BCL11A: variants seen among roughly 807,000 people sequenced by gnomAD.
BCL11A encodes the protein B cell CLL/lymphoma 11A.
BCL11A carries 2 observed loss-of-function variants against 55.9 expected under a neutral mutation model. That is an observed-to-expected ratio of 0.04 (90% CI 0.01 to 0.11). BCL11A has a LOEUF of 0.11. Among genes scored for constraint, BCL11A ranks in the 10% least tolerant of loss-of-function variants. The probability of loss-of-function intolerance (pLI) is 1.00; values close to 1 mark genes in which losing one functional copy is unlikely to be tolerated. For missense variants in BCL11A, 817 were observed against 1,137.1 expected (o/e 0.72, Z 4.05); for synonymous variants, 465 against 473.4 (o/e 0.98, Z 0.23).
downstream of BCL11A, among the ~76,000 whole-genome samples, chr2:60,453,876 T>A (rs1675824395): frequency 6.6e-6 from 1 of 152,114 alleles, no homozygotes; most frequent in Admixed American, 6.5e-5. Flanking sequence ...TTTGCCACTT[T>A]ACAGAAAGGA....
At chr2:60,485,984 C>T (rs962940534) in intron 2 of BCL11A, among the ~76,000 whole-genome samples, 1 of 152,166 alleles carries the variant, frequency 6.6e-6, no homozygotes, top group Non-Finnish European at 1.5e-5. Context: ...CAACCTTCTG[C>T]TCTGGTTCTC....
At chr2:60,514,419 G>A (rs1380250642) in intron 2 of BCL11A, among the ~76,000 whole-genome samples, 1 of 151,756 alleles carries the variant, frequency 6.6e-6, no homozygotes, top group East Asian at 1.9e-4. Context: ...CATTTTGGGA[G>A]GCCGAGGCGT....
intron 2 of BCL11A, among the ~76,000 whole-genome samples, chr2:60,473,825 T>C (rs1211273782): frequency 6.6e-6 from 1 of 152,252 alleles, no homozygotes; most frequent in East Asian, 1.9e-4. Flanking sequence ...ATTAACCTTC[T>C]GATATTGTCA....
intron 2 of BCL11A, chr2:60,528,442 T>C (rs1488046757): frequency 6.6e-6 from 1 of 152,294 alleles, no homozygotes; most frequent in African/African-American, 2.4e-5. Flanking sequence ...AAAGCAGGAT[T>C]CCTTACATTG....
chr2:60,471,756 T>G (rs1000192633), intron 2 of BCL11A, among the ~76,000 whole-genome samples: 1 of 152,178 alleles, frequency 6.6e-6, no homozygotes, highest in Non-Finnish European at 1.5e-5. Context: ...TCTTTGTTAG[T>G]GCTCTTAGGC....
At chr2:60,505,046 T>C (rs1010619121) in intron 2 of BCL11A, among the ~76,000 whole-genome samples, 1 of 152,152 alleles carries the variant, frequency 6.6e-6, no homozygotes, top group Admixed American at 6.5e-5. Context: ...AGACCTGCCA[T>C]TTAACCTCTC....
intron 2 of BCL11A, among the ~76,000 whole-genome samples, chr2:60,532,268 G>A (rs1035864914): frequency 6.7e-6 from 1 of 150,152 alleles, no homozygotes; most frequent in African/African-American, 2.4e-5. Flanking sequence ...CTCACTGGTG[G>A]TCTATTAATA....
chr2:60,526,059 G>GT (rs1420187176), intron 2 of BCL11A: 2 of 152,118 alleles, frequency 1.3e-5, no homozygotes, highest in Non-Finnish European at 1.5e-5. Context: ...AAAGAATGTG[G>GT]TTTTTTTCTA....
intron 2 of BCL11A, chr2:60,542,587 G>C (rs948806419): frequency 1.3e-5 from 2 of 152,124 alleles, no homozygotes; most frequent in Admixed American, 1.3e-4. Flanking sequence ...GATCTCAATG[G>C]ATCACAATCA....
At chr2:60,533,730 T>C (rs1669555526) in intron 2 of BCL11A, 1 of 152,090 alleles carries the variant, frequency 6.6e-6, no homozygotes. Flanking sequence ...CACACACAAA[T>C]AAAAAGCCCC....
At chr2:60,544,790 C>T (rs1670076016) in intron 2 of BCL11A, 3 of 152,230 alleles carry the variant, frequency 2.0e-5, no homozygotes, top group African/African-American at 7.2e-5. Context: ...AAGCGATCCA[C>T]CAACAGGCAT....
At chr2:60,452,620 A>G (rs1440224908), downstream of BCL11A, 8 of 1,613,952 alleles carry the variant, frequency 5.0e-6, no homozygotes, top group Middle Eastern at 1.6e-4. Flanking sequence ...ACTGCCACAC[A>G]TCTTGAGCTC....
Position 60,492,503 on chromosome 2 carries a change from A to T in BCL11A, c.386-23670T>A, listed in dbSNP as rs149402124. ...TTTGAAGCCTGCTGGAATTCTAGGA[A>T]AACAGATTTCCTCCCCTTGCTCTCT... On this transcript the variant is annotated intron_variant, in intron 2 of 3. Transcript: ENST00000642384. Among the ~76,000 whole-genome samples, 22 of 152,244 alleles carry T rather than the reference A, an allele frequency of 1.4e-4. No homozygotes were observed. In the East Asian group the frequency reaches 4.2e-3, roughly 29 times the overall value.
chr2:60,457,049 A>G (rs953475374), downstream of BCL11A: 1 of 161,102 alleles, frequency 6.2e-6, no homozygotes, highest in Non-Finnish European at 1.3e-5. Context: ...TAAGTACTTT[A>G]TGTTCCTTTA....
intron 2 of BCL11A, among the ~76,000 whole-genome samples, chr2:60,503,137 G>A (rs749115495): frequency 6.6e-6 from 1 of 152,190 alleles, no homozygotes; most frequent in Admixed American, 6.5e-5. Context: ...CTGGCAATGG[G>A]AGCAGGAATG....
Position 60,469,841 on chromosome 2 carries a change from G to T in BCL11A, c.386-1008C>A, listed in dbSNP as rs142058391. Among the ~76,000 whole-genome samples the T allele has an allele frequency of 3.3e-5, 5 of 152,230 alleles. No individual in the cohort carries two copies. In the East Asian group the frequency reaches 9.6e-4, roughly 29 times the overall value. ...TCTTGAGACAGACTGGAGGATAGAT[G>T]GTGCAGGAGACGCTCTGTGTGTTCT... On this transcript the variant is annotated intron_variant, in intron 2 of 3. Coordinates refer to ENST00000642384, the MANE Select transcript of BCL11A (RefSeq NM_022893.4).
chr2:60,482,211 G>A (rs865838401), intron 2 of BCL11A, among the ~76,000 whole-genome samples: 15 of 151,880 alleles, frequency 9.9e-5, no homozygotes, highest in African/African-American at 3.1e-4. Flanking sequence ...TTTTTTGTTC[G>A]GGTTGTGGTT....
chr2:60,534,358 T>C (rs557865559), intron 2 of BCL11A: 2 of 152,352 alleles, frequency 1.3e-5, no homozygotes, highest in Non-Finnish European at 2.9e-5. Context: ...CAGCCATCTA[T>C]CTAAAGAAGA....
intron 2 of BCL11A, among the ~76,000 whole-genome samples, chr2:60,540,118 G>A (rs779104505): frequency 6.6e-6 from 1 of 151,982 alleles, no homozygotes; most frequent in Non-Finnish European, 1.5e-5. Context: ...GTTAAAAGTG[G>A]GCTCTAAGTT....
Sources: gnomAD v4.1 joint callset for allele counts (sites outside exome capture counted in the v4.1 genomes callset) on GRCh38, gnomAD v4.1.1 for gene constraint, MANE v1.5 for transcripts, NCBI Gene and HGNC (gene_info 2026-07-23, HGNC 2026-07-21) for gene names.